Variants in RBFOX1 observed in about 807,000 individuals in gnomAD.
The protein encoded by RBFOX1 is RNA binding fox-1 homolog 1.
A neutral mutation model predicts 57.7 loss-of-function variants in RBFOX1; 8 were observed. That is an observed-to-expected ratio of 0.14 (90% CI 0.08 to 0.25). The LOEUF (loss-of-function observed/expected upper bound fraction) is 0.25, where lower values mean the gene tolerates loss of function less well. RBFOX1 is among the 10% of genes least tolerant of loss of function. The pLI is 1.00. For synonymous variants in RBFOX1, 326 were observed against 222.4 expected, an observed-to-expected ratio of 1.47 and a Z score of -4.15; for missense variants, 611 against 548.5, an observed-to-expected ratio of 1.11 and a Z score of -1.14.
intron 1 of RBFOX1, among the ~76,000 whole-genome samples, chr16:6,118,170 A>T (rs1014606321): frequency 6.6e-6 from 1 of 152,174 alleles, no homozygotes; most frequent in African/African-American, 2.4e-5. Flanking sequence ...CCATGCTGTT[A>T]ACTGAAATAT....
intron 3 of RBFOX1, among the ~76,000 whole-genome samples, chr16:6,831,741 A>G (rs1483142123): frequency 6.6e-6 from 1 of 152,110 alleles, no homozygotes; most frequent in Non-Finnish European, 1.5e-5. Context: ...GAAGAGCTGG[A>G]TCTTTGGGCA....
At chr16:5,403,361 A>C (rs199987459) in intron 1 of RBFOX1, among the ~76,000 whole-genome samples, 2,473 of 147,246 alleles carry the variant, frequency 0.017, 32 homozygotes, top group African/African-American at 0.022. Flanking sequence ...AAAAAAAAAA[A>C]AAAAAACAAA....
At chr16:6,587,221 C>T (rs2153983449) in intron 2 of RBFOX1, among the ~76,000 whole-genome samples, 1 of 152,254 alleles carries the variant, frequency 6.6e-6, no homozygotes, top group African/African-American at 2.4e-5. Flanking sequence ...CTGTTCTCTG[C>T]ATTTATGGGT....
At chr16:7,110,063 T>C (rs767336870) in intron 4 of RBFOX1, among the ~76,000 whole-genome samples, 1 of 151,636 alleles carries the variant, frequency 6.6e-6, no homozygotes, top group Non-Finnish European at 1.5e-5. Flanking sequence ...TACTAATCAC[T>C]AAGAATCTCT....
At chr16:5,377,098 G>C (rs1253616941) in intron 1 of RBFOX1, among the ~76,000 whole-genome samples, 1 of 151,626 alleles carries the variant, frequency 6.6e-6, no homozygotes. Flanking sequence ...CAAGTGTGTG[G>C]GAGTCATTGG....
In RBFOX1 at chr16:5,528,078, C is replaced by T. The variant is rs567643817; in HGVS notation, c.258+60824C>T. Among the ~76,000 whole-genome samples, 9 of 152,228 alleles carry T rather than the reference C, an allele frequency of 5.9e-5. No homozygotes were observed. The South Asian group carries it at 1.2e-3, about 21-fold the overall frequency. On this transcript the variant is annotated intron_variant, in intron 2 of 2. Coordinates refer to the RBFOX1 transcript ENST00000585867. ...CACCTATTTACTGCATGGATTTAGT[C>T]GTCCTGGAGGACCTATTTCTGATTA...
chr16:7,617,908 G>T (rs1377530170), intron 10 of RBFOX1, among the ~76,000 whole-genome samples: 7 of 152,156 alleles, frequency 4.6e-5, no homozygotes, highest in Admixed American at 4.6e-4. Context: ...CACCTGGTAA[G>T]AAAGTGGGTA....
chr16:7,404,580 A>G lies in RBFOX1; in HGVS notation c.28-113567A>G, dbSNP rs573037765. Among the ~76,000 whole-genome samples, 3 of 152,304 alleles carry G rather than the reference A, an allele frequency of 2.0e-5. No individual in the cohort carries two copies. The South Asian group carries it at 6.2e-4, about 32-fold the overall frequency. On this transcript the variant is annotated intron_variant, in intron 4 of 15. Coordinates refer to ENST00000550418, the MANE Select transcript of RBFOX1 (RefSeq NM_018723.4). ...AAAAGTAAAGGCTTAAAGAATGTAA[A>G]TAATTTACACCTGAGTGACCAGTAC...
chr16:5,889,763 A>G (rs560748108), intron 4 of RBFOX1, among the ~76,000 whole-genome samples: 3 of 152,198 alleles, frequency 2.0e-5, no homozygotes, highest in Admixed American at 6.5e-5. Flanking sequence ...TCTTTGAGGA[A>G]CTAATGTTTT....
At chr16:7,550,539 A>T (rs2086041139) in intron 5 of RBFOX1, among the ~76,000 whole-genome samples, 1 of 152,158 alleles carries the variant, frequency 6.6e-6, no homozygotes, top group Non-Finnish European at 1.5e-5. Flanking sequence ...ATCACTCTAC[A>T]GGGCATCTTA....
chr16:7,185,833 C>G (rs1327268837), intron 4 of RBFOX1, among the ~76,000 whole-genome samples: 1 of 152,182 alleles, frequency 6.6e-6, no homozygotes, highest in African/African-American at 2.4e-5. Flanking sequence ...ACTTGATGAA[C>G]AAGAGTGATT....
chr16:6,563,788 T>A (rs1198022082), intron 2 of RBFOX1, among the ~76,000 whole-genome samples: 10 of 151,812 alleles, frequency 6.6e-5, no homozygotes, highest in Non-Finnish European at 1.5e-4. Flanking sequence ...ACTGAGCCAC[T>A]GCAATCCAGT....
chr16:6,943,306 C>G (rs553433613), intron 3 of RBFOX1, among the ~76,000 whole-genome samples: 1 of 152,212 alleles, frequency 6.6e-6, no homozygotes, highest in African/African-American at 2.4e-5. Context: ...GGTGTTAAAG[C>G]AAACCAAATA....
intron 3 of RBFOX1, among the ~76,000 whole-genome samples, chr16:6,947,050 C>T (rs1004961321): frequency 6.6e-6 from 1 of 152,178 alleles, no homozygotes; most frequent in African/African-American, 2.4e-5. Flanking sequence ...GGCTCCTCAT[C>T]TGTAATTGAG....
At chr16:7,348,510 C>G (rs1342754118) in intron 4 of RBFOX1, among the ~76,000 whole-genome samples, 1 of 152,130 alleles carries the variant, frequency 6.6e-6, no homozygotes, top group Non-Finnish European at 1.5e-5. Context: ...TCTTATCCCT[C>G]TCCTTCAGCC....
At chr16:6,771,504 A>G (rs2078288205) in intron 3 of RBFOX1, among the ~76,000 whole-genome samples, 1 of 152,054 alleles carries the variant, frequency 6.6e-6, no homozygotes, top group South Asian at 2.1e-4. Flanking sequence ...CAGCAGTCCT[A>G]GCAAACCCTA....
At chr16:6,494,485 G>C (rs1341398503) in intron 2 of RBFOX1, among the ~76,000 whole-genome samples, 1 of 152,142 alleles carries the variant, frequency 6.6e-6, no homozygotes, top group African/African-American at 2.4e-5. Flanking sequence ...AGAGTTTTGG[G>C]ATGGGCTTAT....
At chr16:5,351,960 C>G (rs550742185) in intron 1 of RBFOX1, among the ~76,000 whole-genome samples, 4 of 152,106 alleles carry the variant, frequency 2.6e-5, no homozygotes, top group Non-Finnish European at 4.4e-5. Context: ...CCCGCCACCA[C>G]GCTCGGCTAA....
At chr16:6,787,770 G>C (rs2082209100) in intron 3 of RBFOX1, among the ~76,000 whole-genome samples, 1 of 152,216 alleles carries the variant, frequency 6.6e-6, no homozygotes, top group Non-Finnish European at 1.5e-5. Context: ...AAAACCTGGA[G>C]TTGTAAAGGA....
Sources: allele counts gnomAD v4.1 joint callset (sites outside exome capture counted in the v4.1 genomes callset), GRCh38; gene constraint gnomAD v4.1.1; transcripts MANE v1.5; gene names NCBI Gene and HGNC (gene_info 2026-07-23, HGNC 2026-07-21).